The following FGF14 variants were observed in gnomAD, a reference collection of about 807,000 sequenced individuals.
FGF14 encodes the protein fibroblast growth factor 14.
In FGF14, 5 loss-of-function variants were observed where a neutral mutation model predicts 25.5. The ratio of observed to expected loss-of-function variants is 0.20; its 90% CI spans 0.10 to 0.41. The LOEUF (loss-of-function observed/expected upper bound fraction) is 0.41, where lower values mean the gene tolerates loss of function less well. Among genes scored for constraint, FGF14 ranks in the 10% least tolerant of loss-of-function variants. FGF14 has a pLI of 1.00. For synonymous variants in FGF14, 138 were observed against 118.3 expected (o/e 1.17, Z -1.08); for missense variants, 222 against 320.1 (o/e 0.69, Z 2.34).
chr13:101,736,496 G>A (rs186686291), intron 3 of FGF14, among the ~76,000 whole-genome samples: 75 of 151,924 alleles, frequency 4.9e-4, no homozygotes, highest in African/African-American at 1.4e-3. Context: ...ATATTTTTAC[G>A]TTTCCTATTA....
Position 102,400,862 on chromosome 13 carries a change from T to A in FGF14, c.208+609A>T, listed in dbSNP as rs766873731. On this transcript the variant is annotated intron_variant, in intron 1 of 4. Coordinates refer to the FGF14 transcript ENST00000376131. The surrounding 1 kb of genome is among the most constrained non-coding windows in gnomAD (Gnocchi z 4.3). ...CCTCCCGGCGCAAGCCTTGCTCAAG[T>A]ATTCCCGGTGGCAGGATGTGTCAGA... Among the ~76,000 whole-genome samples the A allele has an allele frequency of 3.3e-5, 5 of 152,144 alleles. No individual in the cohort carries two copies. The highest frequency in any genetic ancestry group is 3.4e-3 in the Middle Eastern group (1 of 294).
At chr13:102,342,056 T>C (rs2056968192) in intron 1 of FGF14, among the ~76,000 whole-genome samples, 1 of 152,164 alleles carries the variant, frequency 6.6e-6, no homozygotes, top group African/African-American at 2.4e-5. Flanking sequence ...TCTGTTGATT[T>C]CAGTAGAAAA....
rs2034666091 is a variant in FGF14, at chr13:101,715,276, C to T, written c.*7555G>A. The T allele has an allele frequency of 3.1e-6, 1 of 324,258 alleles. No homozygotes were observed. Among genetic ancestry groups the T allele is most frequent in the South Asian group, 4.5e-5 (1 of 22,128 alleles). The allele number at this position is 324,258 out of a possible 1,614,324, so 20.1% of individuals were successfully genotyped here. A position where few individuals can be genotyped will look rare whatever the true frequency, so the allele number is the denominator to read the frequency against. ...ATTCATAAGTCAGATATAACTTGCT[C>T]TTTAAGGGAAAACAAAATTGTCACC... On this transcript the variant is annotated 3_prime_UTR_variant, in exon 5 of 5. Coordinates refer to ENST00000376143, the MANE Select transcript of FGF14 (RefSeq NM_004115.4).
At chr13:101,858,674 A>C (rs2140400576) in intron 3 of FGF14, among the ~76,000 whole-genome samples, 1 of 152,242 alleles carries the variant, frequency 6.6e-6, no homozygotes, top group Non-Finnish European at 1.5e-5. Context: ...TAGTTTATAT[A>C]GTTTTTAACC....
At chr13:101,995,669 C>A (rs766512381) in intron 1 of FGF14, among the ~76,000 whole-genome samples, 2 of 152,048 alleles carry the variant, frequency 1.3e-5, no homozygotes, top group African/African-American at 2.4e-5. Context: ...TAAAGAAAAG[C>A]GAAGCTACTG....
At chr13:102,357,061 G>A (rs2057437862) in intron 1 of FGF14, among the ~76,000 whole-genome samples, 1 of 150,666 alleles carries the variant, frequency 6.6e-6, no homozygotes, top group Non-Finnish European at 1.5e-5. Context: ...AGGGACTAGT[G>A]TACATTCTAA....
At chr13:101,724,101 T>G (rs2035192954) in intron 4 of FGF14, among the ~76,000 whole-genome samples, 1 of 152,086 alleles carries the variant, frequency 6.6e-6, no homozygotes. Flanking sequence ...AAGGAACTAA[T>G]GCGTATCCTG....
intron 1 of FGF14, among the ~76,000 whole-genome samples, chr13:101,968,033 C>T (rs547674478): frequency 1.1e-4 from 16 of 152,312 alleles, no homozygotes; most frequent in African/African-American, 3.8e-4. Context: ...TCTCTGCTAA[C>T]ACTTGAAAAT....
At chr13:101,752,299 T>G (rs1302291488) in intron 3 of FGF14, among the ~76,000 whole-genome samples, 2 of 152,228 alleles carry the variant, frequency 1.3e-5, no homozygotes, top group African/African-American at 4.8e-5. Context: ...TATATCATCT[T>G]TATCTTTTCA....
At chr13:101,861,919 G>T (rs73563216) in intron 3 of FGF14, among the ~76,000 whole-genome samples, 45 of 152,208 alleles carry the variant, frequency 3.0e-4, no homozygotes, top group African/African-American at 1.0e-3. Flanking sequence ...TCCTCTGGAA[G>T]TTAACTATGA....
At chr13:101,980,173 A>G (rs2038161078) in intron 1 of FGF14, among the ~76,000 whole-genome samples, 2 of 152,230 alleles carry the variant, frequency 1.3e-5, no homozygotes, top group South Asian at 4.1e-4. Context: ...AAACAGATAA[A>G]TGTGCAATGA....
At chr13:101,841,295 G>A (rs2043179692) in intron 3 of FGF14, among the ~76,000 whole-genome samples, 1 of 151,832 alleles carries the variant, frequency 6.6e-6, no homozygotes, top group Non-Finnish European at 1.5e-5. Context: ...TGGTTTACCA[G>A]GAAATCACCC....
intron 3 of FGF14, among the ~76,000 whole-genome samples, chr13:101,809,181 C>A (rs1407574): frequency 0.99 from 150,491 of 152,264 alleles, 74,399 homozygotes; most frequent in Non-Finnish European, 1. Flanking sequence ...TTTACAATAA[C>A]ATAATATGTA....
chr13:102,379,697 A>C (rs1272186832), intron 1 of FGF14, among the ~76,000 whole-genome samples: 1 of 152,164 alleles, frequency 6.6e-6, no homozygotes, highest in African/African-American at 2.4e-5. Flanking sequence ...CTCTTCTAAA[A>C]GGCCAACTTT....
chr13:102,255,512 G>A (rs1346539100), intron 1 of FGF14, among the ~76,000 whole-genome samples: 2 of 152,126 alleles, frequency 1.3e-5, no homozygotes, highest in African/African-American at 4.8e-5. Flanking sequence ...AAAGAAAAGA[G>A]GCTGTCATGT....
rs2034879078 is a variant in FGF14 at position 101,720,166 on chromosome 13, C to A, written c.*2665G>T. ...ACTCTTTGTATGCAAATTAGCAATA[C>A]ATACCAACAGTTCTTGATACACAGG... On this transcript the variant is annotated 3_prime_UTR_variant, in exon 5 of 5. Transcript: ENST00000376143. 6.6e-6 allele frequency: 1 copy of A among 152,196 alleles called. No homozygotes were observed. The highest frequency in any genetic ancestry group is 2.4e-5 in the African/African-American group (1 of 41,542). The allele number at this position is 152,196 out of a possible 1,614,324, so 9.4% of individuals were successfully genotyped here.
intron 1 of FGF14, among the ~76,000 whole-genome samples, chr13:102,151,554 A>G (rs1328437402): frequency 6.6e-6 from 1 of 152,172 alleles, no homozygotes; most frequent in Non-Finnish European, 1.5e-5. Flanking sequence ...GCTGGAGTGC[A>G]ATGGTGGGAT....
chr13:102,318,621 C>T (rs73581272), intron 1 of FGF14, among the ~76,000 whole-genome samples: 128 of 152,284 alleles, frequency 8.4e-4, no homozygotes, highest in African/African-American at 3.0e-3. Context: ...CTCCGAGTCC[C>T]TATCTGTGTA....
chr13:102,354,229 G>A (rs1460551463), intron 1 of FGF14: 1 of 152,186 alleles, frequency 6.6e-6, no homozygotes, highest in Non-Finnish European at 1.5e-5. Context: ...ACAGCTGCGG[G>A]ACAAAGGACA....
Sources: gnomAD v4.1 joint callset for allele counts (sites outside exome capture counted in the v4.1 genomes callset) on GRCh38, gnomAD v4.1.1 for gene constraint, Gnocchi (gnomAD v3.1) non-coding constraint, MANE v1.5 for transcripts, NCBI Gene and HGNC (gene_info 2026-07-23, HGNC 2026-07-21) for gene names.